Variants in MEX3A observed in about 807,000 individuals in gnomAD.
MEX3A encodes the protein mex-3 RNA binding family member A.
Under a neutral mutation model 30.0 loss-of-function variants are expected in MEX3A, and 4 were observed. The observed-to-expected ratio is 0.13, with a 90% CI of 0.07 to 0.30. The LOEUF (loss-of-function observed/expected upper bound fraction) is 0.30. Among genes scored for constraint, MEX3A ranks in the 10% least tolerant of loss-of-function variants. The probability of loss-of-function intolerance (pLI) is 1.00; values close to 1 mark genes in which losing one functional copy is unlikely to be tolerated. For missense variants in MEX3A, 555 were observed against 736.7 expected (o/e 0.75, Z 2.86); for synonymous variants, 335 against 327.6 (o/e 1.02, Z -0.24).
rs576024408 is a variant in MEX3A at position 156,073,600 on chromosome 1, C to T, written c.*2974G>A. 2 of 152,718 alleles carry T rather than the reference C, an allele frequency of 1.3e-5. No individual in the cohort carries two copies. Among genetic ancestry groups the T allele is most frequent in the African/African-American group, 2.4e-5 (1 of 41,520 alleles). 9.5% of individuals were successfully genotyped at this position (152,718 alleles called of 1,614,324 possible). The stretch of plus-strand genomic sequence containing the variant: ...TATCTTAATATTGTCTACTAAGTAA[C>T]TAGTAATTGTTTCTTTCTCTCTCTA... On this transcript the variant is annotated 3_prime_UTR_variant, in exon 2 of 2. Coordinates refer to ENST00000532414, the MANE Select transcript of MEX3A (RefSeq NM_001093725.2).
intron 1 of MEX3A, among the ~76,000 whole-genome samples, chr1:156,078,976 C>T (rs1648147573): frequency 6.6e-6 from 1 of 152,136 alleles, no homozygotes; most frequent in South Asian, 2.1e-4. Context: ...ATGACTTTCA[C>T]CCCCAATCAC....
chr1:156,080,034 G>C (rs987511964), intron 1 of MEX3A, among the ~76,000 whole-genome samples: 3 of 152,136 alleles, frequency 2.0e-5, no homozygotes, highest in African/African-American at 7.2e-5. Flanking sequence ...TTGACTGAGG[G>C]GCAGGCTTAT....
rs748583237 is a variant in MEX3A, at chr1:156,077,231, G to A, written c.906C>T (p.Asn302=). The part of the protein sequence containing the change: ...TGKILEYNNE[N]DFLAGSPDAA... ...CGTCGGGGCTCCCCGCCAGGAAGTC[G>A]TTTTCATTGTTGTACTCGAGGATCT... is the stretch of plus-strand genomic sequence containing the variant. Residue 302 remains asparagine, a synonymous_variant, in exon 2 of 2, where the codon AAC becomes AAT. Transcript: ENST00000532414. The surrounding 1 kb of genome is among the most constrained non-coding windows in gnomAD (Gnocchi z 8.3). The A allele has an allele frequency of 1.5e-5, 24 of 1,613,654 alleles. No individual in the cohort carries two copies. In the Admixed American group the frequency reaches 3.7e-4, roughly 25 times the overall value.
In MEX3A at chr1:156,073,380, C is replaced by T. The variant is rs1647969245; in HGVS notation, c.*3194G>A. Reference sequence around the variant, plus strand: ...TTTCTTTGTCCTACAATTTAAAAATCCAAGGATTCTCAGAATCAACCCCAG... The same window carrying T: ...TTTCTTTGTCCTACAATTTAAAAATTCAAGGATTCTCAGAATCAACCCCAG... On this transcript the variant is annotated 3_prime_UTR_variant, in exon 2 of 2. Coordinates refer to ENST00000532414, the MANE Select transcript of MEX3A (RefSeq NM_001093725.2). The T allele has an allele frequency of 6.6e-6, 1 of 152,668 alleles. No homozygotes were observed. Among genetic ancestry groups the T allele is most frequent in the South Asian group, 2.1e-4 (1 of 4,830 alleles). The allele number at this position is 152,668 out of a possible 1,614,324, so 9.5% of individuals were successfully genotyped here. A position where few individuals can be genotyped will look rare whatever the true frequency, so the allele number is the denominator to read the frequency against.
rs753685922 is a variant in MEX3A, at chr1:156,077,460, A to T, written c.677T>A (p.Ile226Asn). 6.2e-7 allele frequency: 1 copy of T among 1,613,584 alleles called. No individual in the cohort carries two copies. The highest frequency in any genetic ancestry group is 8.5e-7 in the Non-Finnish European group (1 of 1,179,734). The change falls in exon 2 of 2, where the codon ATC (isoleucine) becomes AAC (asparagine). Residue 226 changes from isoleucine (I) to asparagine (N), a missense_variant. Coordinates refer to ENST00000532414, the MANE Select transcript of MEX3A (RefSeq NM_001093725.2). The surrounding 1 kb of genome is among the most constrained non-coding windows in gnomAD (Gnocchi z 8.3). ...CACGCGGTAGGGCACCCGCACACGG[A>T]TGGTCACCTGGCCGGGCAGAGCAGG... ...VAPALPGQVT[I>N]RVRVPYRVVG... is the part of the protein sequence containing the mutation.
chr1:156,081,327 A>G (rs958398401), intron 1 of MEX3A, among the ~76,000 whole-genome samples: 5 of 152,188 alleles, frequency 3.3e-5, no homozygotes, highest in African/African-American at 1.2e-4. Context: ...CTTTGTCTAA[A>G]GGCAGAGTCC....
At chr1:156,080,603 G>A (rs550442055) in intron 1 of MEX3A, among the ~76,000 whole-genome samples, 20 of 151,326 alleles carry the variant, frequency 1.3e-4, no homozygotes, top group Non-Finnish European at 2.1e-4. Context: ...CCAAGATCCC[G>A]TCTGCTCAAT....
rs373372520 is a variant in MEX3A at position 156,077,076 on chromosome 1, G to C, written c.1061C>G (p.Pro354Arg). Reference sequence around the variant, plus strand: ...GTCCCCGCCCTGCTCACCCAGGCGTGGGGCCTCAAAGCCAGAGTCCACTCC... The same window carrying C: ...GTCCCCGCCCTGCTCACCCAGGCGTCGGGCCTCAAAGCCAGAGTCCACTCC... ...ECGVDSGFEA[P>R]RLGEQGGDFG... Residue 354 changes from proline to arginine, a missense_variant, in exon 2 of 2, where the codon CCA becomes CGA. Physicochemically the swap from Pro to Arg is moderately radical, Grantham distance 103. Transcript: ENST00000532414. This position sits in a 1 kb window ranked among gnomAD's most constrained non-coding sequence, Gnocchi z 8.3. 2.5e-6 allele frequency: 4 copies of C among 1,613,896 alleles called. No homozygotes were observed. The highest frequency in any genetic ancestry group is 2.2e-5 in the South Asian group (2 of 91,088).
In MEX3A at chr1:156,077,916, T is replaced by G. The variant is rs1404795674; in HGVS notation, c.455-234A>C. 6.6e-6 allele frequency among the ~76,000 whole-genome samples: 1 copy of G among 152,158 alleles called. No individual in the cohort carries two copies. Among genetic ancestry groups the G allele is most frequent in the Non-Finnish European group, 1.5e-5 (1 of 68,020 alleles). ...GCCACAGATTTCAAAATGTACTAAC[T>G]TTCCCTGAGTTCCATTCAGGGCCCT... On this transcript the variant is annotated intron_variant, in intron 1 of 1. Transcript: ENST00000532414. The surrounding 1 kb of genome is among the most constrained non-coding windows in gnomAD (Gnocchi z 8.3).
chr1:156,075,757 T>G lies in MEX3A; in HGVS notation c.*817A>C, dbSNP rs1648043226. On this transcript the variant is annotated 3_prime_UTR_variant, in exon 2 of 2. Transcript: ENST00000532414. ...ACAAGGAACAAGACAGAGCTGGGAG[T>G]GACAGCCACCAAAAGAAAGCAAAGC... 1 of 151,396 alleles carries G rather than the reference T, an allele frequency of 6.6e-6. No individual in the cohort carries two copies. 9.4% of individuals were successfully genotyped at this position (151,396 alleles called of 1,614,324 possible).
chr1:156,082,045 AGGTGGTG>A lies in MEX3A; in HGVS notation c.-54_-48del. ...GAGAGAGAGGGAGAGAGAGAGAGAG[AGGTGGTG>A]GAAGGGAAAAGAGGAGAGAGGAGGG... On this transcript the variant is annotated 5_prime_UTR_variant, in exon 1 of 2. Coordinates refer to ENST00000532414, the MANE Select transcript of MEX3A (RefSeq NM_001093725.2). The A allele has an allele frequency of 9.4e-6, 8 of 855,392 alleles. No individual in the cohort carries two copies. The highest frequency in any genetic ancestry group is 1.3e-5 in the Non-Finnish European group (8 of 629,702). The allele number at this position is 855,392 out of a possible 1,614,324, so 53.0% of individuals were successfully genotyped here. A position where few individuals can be genotyped will look rare whatever the true frequency, so the allele number is the denominator to read the frequency against.
Position 156,077,178 on chromosome 1 carries a change from G to T in MEX3A, c.959C>A (p.Ala320Asp). The T allele has an allele frequency of 6.2e-7, 1 of 1,613,486 alleles. No individual in the cohort carries two copies. The highest frequency in any genetic ancestry group is 1.1e-5 in the South Asian group (1 of 91,074). The change falls in exon 2 of 2, where the codon GCC becomes GAC. Residue 320 changes from alanine to aspartate, a missense_variant. Transcript: ENST00000532414. This position sits in a 1 kb window ranked among gnomAD's most constrained non-coding sequence, Gnocchi z 8.3. The part of the protein sequence containing the change: ...DAAIDSRYSD[A>D]WRVHQPGCKP... The stretch of plus-strand genomic sequence containing the variant: ...GCAGCCGGGCTGGTGCACCCGCCAG[G>T]CGTCGGAGTAGCGGCTATCGATTGC...
At chr1:156,078,939 AGCACATTCCTATACACACCC>A (rs1370696610) in intron 1 of MEX3A, among the ~76,000 whole-genome samples, 1 of 152,116 alleles carries the variant, frequency 6.6e-6, no homozygotes, top group Non-Finnish European at 1.5e-5. Flanking sequence ...GCACACAAAC[AGCACATTCCTATACACACCC>A]GCACCCATGA....
At position 156,076,649 on chromosome 1, in the gene MEX3A, G is replaced by T. The variant is rs1459345462; in HGVS notation, c.1488C>A (p.Arg496=). 1.2e-6 allele frequency: 2 copies of T among 1,613,838 alleles called. No homozygotes were observed. Among genetic ancestry groups the T allele is most frequent in the East Asian group, 2.2e-5 (1 of 44,888 alleles). Reference sequence around the variant, plus strand: ...ACTCTGGGTCCGTCCTCTCGCAGATGCGTACTGCACACTCCATGCAGAACA... The same window carrying T: ...ACTCTGGGTCCGTCCTCTCGCAGATTCGTACTGCACACTCCATGCAGAACA... ...HNLFCMECAV[R]ICERTDPECP... Residue 496 remains arginine (R), a synonymous_variant, in exon 2 of 2, where the codon CGC becomes CGA. Coordinates refer to ENST00000532414, the MANE Select transcript of MEX3A (RefSeq NM_001093725.2). The surrounding 1 kb of genome is among the most constrained non-coding windows in gnomAD (Gnocchi z 6.0).
Position 156,077,535 on chromosome 1 carries a change from G to C in MEX3A, c.602C>G (p.Ser201Cys). ...CTTGTTGCGGGAGGCACGGATCATGGAGAAGTGCTCCGCTGCTGAGATGAT... is the reference window on the plus strand; with the variant it reads ...CTTGTTGCGGGAGGCACGGATCATGCAGAAGTGCTCCGCTGCTGAGATGAT... ...REIISAAEHF[S>C]MIRASRNKSG... is the part of the protein sequence containing the mutation. Residue 201 changes from serine to cysteine, a missense_variant, in exon 2 of 2, where the codon TCC becomes TGC. Around this residue, in one of 6 missense-constraint regions of MEX3A, gnomAD observed 35 missense variants for 44.1 expected, o/e 0.79. Transcript: ENST00000532414. The surrounding 1 kb of genome is among the most constrained non-coding windows in gnomAD (Gnocchi z 8.3). The C allele has an allele frequency of 6.2e-7, 1 of 1,612,570 alleles. No individual in the cohort carries two copies. The highest frequency in any genetic ancestry group is 8.5e-7 in the Non-Finnish European group (1 of 1,179,316).
Position 156,081,901 on chromosome 1 carries a change from T to C in MEX3A, c.98A>G (p.Glu33Gly), listed in dbSNP as rs1476461617. 4 of 1,526,756 alleles carry C rather than the reference T, an allele frequency of 2.6e-6. No individual in the cohort carries two copies. The highest frequency in any genetic ancestry group is 3.5e-6 in the Non-Finnish European group (4 of 1,136,014). The allele number at this position is 1,526,756 out of a possible 1,614,324, so 94.6% of individuals were successfully genotyped here. Reference protein sequence around the residue: ...GGSAKDRGLLEDERALQLALD... With the variant: ...GGSAKDRGLLGDERALQLALD... Reference sequence around the variant, plus strand: ...AGCCAGCTGAAGGGCGCGCTCGTCTTCCAGCAGCCCTCGGTCCTTAGCGCT... The same window carrying C: ...AGCCAGCTGAAGGGCGCGCTCGTCTCCCAGCAGCCCTCGGTCCTTAGCGCT... Residue 33 changes from glutamate (E) to glycine (G), a missense_variant, in exon 1 of 2, where the codon GAA (glutamate) becomes GGA (glycine). Glu to Gly is a moderately conservative substitution (Grantham distance 98). Coordinates refer to ENST00000532414, the MANE Select transcript of MEX3A (RefSeq NM_001093725.2).
rs748352196 is a variant in MEX3A at position 156,077,344 on chromosome 1, C to T, written c.793G>A (p.Asp265Asn). ...GCACCCGTGATCTCGAACACGGGGT[C>T]GCGGTCACGGCTTGGTGTGATAATG... ...TYIITPSRDR[D>N]PVFEITGAPG... The change falls in exon 2 of 2, where the codon GAC (aspartate) becomes AAC (asparagine). Residue 265 changes from aspartate (D) to asparagine (N), a missense_variant. By Grantham distance (23) the Asp-to-Asn change is conservative. Transcript: ENST00000532414. This position sits in a 1 kb window ranked among gnomAD's most constrained non-coding sequence, Gnocchi z 8.3. 4 of 1,613,842 alleles carry T rather than the reference C, an allele frequency of 2.5e-6. No homozygotes were observed. The highest frequency in any genetic ancestry group is 2.5e-6 in the Non-Finnish European group (3 of 1,179,812).
Position 156,081,578 on chromosome 1 carries a change from A to G in MEX3A, c.421T>C (p.Ser141Pro). The change falls in exon 1 of 2, where the codon TCC becomes CCC. Residue 141 changes from serine (S) to proline (P), a missense_variant. Transcript: ENST00000532414. ...NTTECVPVPTSEHVAEIVGRQ... is the reference protein window; with the variant it reads ...NTTECVPVPTPEHVAEIVGRQ... The stretch of plus-strand genomic sequence containing the variant: ...CCCACGATCTCGGCCACGTGCTCGG[A>G]GGTGGGCACGGGAACACACTCCGTG... 1 of 1,598,002 alleles carries G rather than the reference A, an allele frequency of 6.3e-7. No individual in the cohort carries two copies. The highest frequency in any genetic ancestry group is 8.5e-7 in the Non-Finnish European group (1 of 1,174,344).
chr1:156,072,738 A>C lies in MEX3A; in HGVS notation c.*3836T>G, dbSNP rs1419381737. ...CATATAGATGGAGGTGAACTGGAGCAGAGGGTCAGGGTTAGGGTCACCCAA... is the reference window on the plus strand; with the variant it reads ...CATATAGATGGAGGTGAACTGGAGCCGAGGGTCAGGGTTAGGGTCACCCAA... On this transcript the variant is annotated 3_prime_UTR_variant, in exon 2 of 2. Transcript: ENST00000532414. 6.5e-6 allele frequency: 1 copy of C among 152,806 alleles called. No homozygotes were observed. Among genetic ancestry groups the C allele is most frequent in the Non-Finnish European group, 1.5e-5 (1 of 68,064 alleles). The allele number at this position is 152,806 out of a possible 1,614,324, so 9.5% of individuals were successfully genotyped here.
Sources: gnomAD v4.1 joint callset for allele counts (sites outside exome capture counted in the v4.1 genomes callset) on GRCh38, gnomAD v4.1.1 for gene constraint, gnomAD v4.1.1 regional missense constraint, Gnocchi (gnomAD v3.1) non-coding constraint, MANE v1.5 for transcripts, NCBI Gene and HGNC (gene_info 2026-07-23, HGNC 2026-07-21) for gene names.